The following PXK variants were observed in gnomAD, a reference collection of about 807,000 sequenced individuals.
PXK encodes PX domain containing serine/threonine kinase like.
In PXK, 35 loss-of-function variants were observed where a neutral mutation model predicts 84.7. That is an observed-to-expected ratio of 0.41 (90% CI 0.32 to 0.55). PXK has a LOEUF of 0.55. Among genes scored for constraint, PXK ranks in the 20% least tolerant of loss-of-function variants. The pLI, the probability that PXK is intolerant of heterozygous loss-of-function variation, is 0.21. For synonymous variants in PXK, 253 were observed against 260.8 expected, an observed-to-expected ratio of 0.97 and a Z score of 0.29; for missense variants, 634 against 699.7, an observed-to-expected ratio of 0.91 and a Z score of 1.06.
chr3:58,369,342 C>T, intron 2 of PXK, 89 bp from the exon 3 acceptor site: 1 of 1,023,286 alleles, frequency 9.8e-7, no homozygotes, highest in Non-Finnish European at 1.5e-6. Context: ...TCTAGAGTGC[C>T]AATATTACTA....
At chr3:58,387,933 A>T (rs2098575160) in intron 4 of PXK, among the ~76,000 whole-genome samples, 1 of 152,170 alleles carries the variant, frequency 6.6e-6, no homozygotes, top group South Asian at 2.1e-4. Flanking sequence ...CTCAGAGTGC[A>T]GAGAGACCCC....
Position 58,379,765 on chromosome 3 carries a change from TAAAGG to T in PXK, c.202-2745_202-2741del, listed in dbSNP as rs1037246719. 4.6e-5 allele frequency among the ~76,000 whole-genome samples: 7 copies of T among 152,052 alleles called. No homozygotes were observed. Among genetic ancestry groups the T allele is most frequent in the African/African-American group, 1.2e-4 (5 of 41,472 alleles). On this transcript the variant is annotated intron_variant, in intron 3 of 17. Coordinates refer to ENST00000356151, the MANE Select transcript of PXK (RefSeq NM_017771.5). This position sits in a 1 kb window ranked among gnomAD's most constrained non-coding sequence, Gnocchi z 5.1. ...ACAACTATTTAGAAGGGCTAAAAGATAAAGGAAATACTCTTTAAAAAAAAGAAAAG... is the reference window on the plus strand; with the variant it reads ...ACAACTATTTAGAAGGGCTAAAAGATAAATACTCTTTAAAAAAAAGAAAAG...
rs562059583 is a variant in PXK at position 58,370,620 on chromosome 3, A to T, written c.201+1142A>T. ...CTGAGGGACCTCTGATCTTGCCCAT[A>T]AAGGTCAGGAGGACTGTGCACTAGG... On this transcript the variant is annotated intron_variant, in intron 3 of 17. Transcript: ENST00000356151. The surrounding 1 kb of genome is among the most constrained non-coding windows in gnomAD (Gnocchi z 4.2). Among the ~76,000 whole-genome samples the T allele has an allele frequency of 6.6e-6, 1 of 152,306 alleles. No individual in the cohort carries two copies. Among genetic ancestry groups the T allele is most frequent in the African/African-American group, 2.4e-5 (1 of 41,576 alleles).
Position 58,333,316 on chromosome 3 carries a change from C to T in PXK, c.102+226C>T. 1 of 305,072 alleles carries T rather than the reference C, an allele frequency of 3.3e-6. No homozygotes were observed. Among genetic ancestry groups the T allele is most frequent in the South Asian group, 2.8e-5 (1 of 35,294 alleles). The allele number at this position is 305,072 out of a possible 1,614,324, so 18.9% of individuals were successfully genotyped here. ...GGGCCAAGGATGGGGACCGCAGCTC[C>T]CGGCGCCGCGGGGTGGAAGGAGCTC... On this transcript the variant is annotated intron_variant, in intron 1 of 17. Coordinates refer to ENST00000356151, the MANE Select transcript of PXK (RefSeq NM_017771.5). This position sits in a 1 kb window ranked among gnomAD's most constrained non-coding sequence, Gnocchi z 5.4.
chr3:58,361,470 T>C (rs924472868), intron 1 of PXK, among the ~76,000 whole-genome samples: 3 of 152,116 alleles, frequency 2.0e-5, no homozygotes, highest in African/African-American at 7.2e-5. Context: ...ACTTTGCCCT[T>C]CTGTAGCTAC....
intron 1 of PXK, among the ~76,000 whole-genome samples, chr3:58,351,753 CCTT>C (rs555342199): frequency 2.4e-4 from 37 of 151,846 alleles, no homozygotes; most frequent in East Asian, 1.9e-3. Context: ...TCATGGTACT[CCTT>C]CTTAGAAATC....
At chr3:58,368,400 G>T (rs2098310496) in intron 2 of PXK, among the ~76,000 whole-genome samples, 1 of 152,112 alleles carries the variant, frequency 6.6e-6, no homozygotes, top group Admixed American at 6.5e-5. Context: ...TCTGCTCACT[G>T]CAATCTCTGC....
intron 1 of PXK, among the ~76,000 whole-genome samples, chr3:58,344,869 A>T (rs529051089): frequency 1.3e-5 from 2 of 152,332 alleles, no homozygotes; most frequent in South Asian, 4.1e-4. Context: ...TGGGCAGGCC[A>T]TAGGGCTCAG....
At chr3:58,403,306 A>G (rs2058892164) in intron 12 of PXK, among the ~76,000 whole-genome samples, 1 of 152,152 alleles carries the variant, frequency 6.6e-6, no homozygotes, top group South Asian at 2.1e-4. Context: ...GCACCCAGCC[A>G]GTAACATATT....
In PXK at chr3:58,399,750, C is replaced by A. The variant is rs1464143244; in HGVS notation, c.1181+373C>A. 6.6e-6 allele frequency among the ~76,000 whole-genome samples: 1 copy of A among 152,046 alleles called. No homozygotes were observed. The highest frequency in any genetic ancestry group is 1.5e-5 in the Non-Finnish European group (1 of 68,024). Reference sequence around the variant, plus strand: ...CCCTGCATCAGCAAACCAGTTGGCCCCCAGCTGTGCATAGTTCACAAGTCA... The same window carrying A: ...CCCTGCATCAGCAAACCAGTTGGCCACCAGCTGTGCATAGTTCACAAGTCA... On this transcript the variant is annotated intron_variant, in intron 12 of 17. Transcript: ENST00000356151. The surrounding 1 kb of genome is among the most constrained non-coding windows in gnomAD (Gnocchi z 4.3).
At chr3:58,420,653 G>A (rs2061691548) in intron 17 of PXK, 1 of 1,529,872 alleles carries the variant, frequency 6.5e-7, no homozygotes, top group East Asian at 2.5e-5. Context: ...CTCGATTGCT[G>A]AAGTGATGAA....
At chr3:58,402,843 C>T (rs1325284154) in intron 12 of PXK, among the ~76,000 whole-genome samples, 5 of 148,394 alleles carry the variant, frequency 3.4e-5, no homozygotes, top group African/African-American at 1.3e-4. Flanking sequence ...GGGGTACATG[C>T]GAAAGTTTGC....
Position 58,403,885 on chromosome 3 carries a change from C to A in PXK, c.1205C>A (p.Thr402Asn), listed in dbSNP as rs934464500. Reference protein sequence around the residue: ...QMPLFSDVLLTTSEKPQFKIP... With the variant: ...QMPLFSDVLLNTSEKPQFKIP... ...AGATTATTCAGCGATGTTTTACTAA[C>A]CACTTCTGAAAAACCACAGTTTAAG... Residue 402 changes from threonine to asparagine, a missense_variant, in exon 13 of 18, where the codon ACC becomes AAC. Coordinates refer to ENST00000356151, the MANE Select transcript of PXK (RefSeq NM_017771.5). 1 of 1,543,166 alleles carries A rather than the reference C, an allele frequency of 6.5e-7. No individual in the cohort carries two copies. The highest frequency in any genetic ancestry group is 8.8e-7 in the Non-Finnish European group (1 of 1,134,804).
Position 58,397,517 on chromosome 3 carries a change from T to C in PXK, c.985-88T>C. On this transcript the variant is annotated intron_variant, in intron 10 of 17. Coordinates refer to ENST00000356151, the MANE Select transcript of PXK (RefSeq NM_017771.5). The surrounding 1 kb of genome is among the most constrained non-coding windows in gnomAD (Gnocchi z 4.7). ...TAGGAACGGGGCTATCCCTGGGCTT[T>C]GTTTCTCAGAGAAGCCTTGGGGCAG... The C allele has an allele frequency of 1.7e-6, 2 of 1,150,532 alleles. No individual in the cohort carries two copies. The allele number at this position is 1,150,532 out of a possible 1,614,324, so 71.3% of individuals were successfully genotyped here.
In PXK at chr3:58,333,660, G is replaced by T. The variant is rs571379772; in HGVS notation, c.102+570G>T. 22 of 456,628 alleles carry T rather than the reference G, an allele frequency of 4.8e-5. No individual in the cohort carries two copies. Among genetic ancestry groups the T allele is most frequent in the Admixed American group, 4.7e-4 (20 of 42,576 alleles). 28.3% of individuals were successfully genotyped at this position (456,628 alleles called of 1,614,324 possible). A position where few individuals can be genotyped will look rare whatever the true frequency, so the allele number is the denominator to read the frequency against. On this transcript the variant is annotated intron_variant, in intron 1 of 17. Coordinates refer to ENST00000356151, the MANE Select transcript of PXK (RefSeq NM_017771.5). The surrounding 1 kb of genome is among the most constrained non-coding windows in gnomAD (Gnocchi z 5.4). ...TGGCCCTGGTCCCGGGAAGTGGTGG[G>T]GGCGGCAGTCGGGGCGCTGTTAAGC...
intron 13 of PXK, among the ~76,000 whole-genome samples, chr3:58,405,817 G>T (rs2059312614): frequency 6.6e-6 from 1 of 152,004 alleles, no homozygotes. Context: ...AACAAACTGG[G>T]CTGTTGTTTG....
At chr3:58,418,969 TA>T (rs1227630649) in intron 17 of PXK, among the ~76,000 whole-genome samples, 13 of 152,240 alleles carry the variant, frequency 8.5e-5, no homozygotes, top group Non-Finnish European at 1.9e-4. Context: ...CAAGTTTATT[TA>T]ATATGTATAC....
intron 2 of PXK, among the ~76,000 whole-genome samples, chr3:58,367,242 A>G (rs1431047818): frequency 6.6e-6 from 1 of 151,796 alleles, no homozygotes; most frequent in East Asian, 1.9e-4. Context: ...AATTTATTTA[A>G]TAAAAGCTTT....
rs771730300 is a variant in PXK at position 58,391,793 on chromosome 3, G to A, written c.561G>A (p.Lys187=). 1.2e-6 allele frequency: 2 copies of A among 1,613,586 alleles called. No individual in the cohort carries two copies. The highest frequency in any genetic ancestry group is 1.7e-6 in the Non-Finnish European group (2 of 1,179,524). The change falls in exon 7 of 18, where the codon AAG becomes AAA. Residue 187 remains lysine, a synonymous_variant. Transcript: ENST00000356151. ...VLSWADLGPD[K]YLSDKDFQCL... Reference sequence around the variant, plus strand: ...TTCAGGCTGACCTTGGCCCAGACAAGTATTTGTCAGATAAAGATTTTCAGT... The same window carrying A: ...TTCAGGCTGACCTTGGCCCAGACAAATATTTGTCAGATAAAGATTTTCAGT...
Sources: gnomAD v4.1 joint callset for allele counts (sites outside exome capture counted in the v4.1 genomes callset) on GRCh38, gnomAD v4.1.1 for gene constraint, Gnocchi (gnomAD v3.1) non-coding constraint, MANE v1.5 for transcripts, NCBI Gene and HGNC (gene_info 2026-07-23, HGNC 2026-07-21) for gene names.